Variants in ELOVL5 observed in about 807,000 individuals in gnomAD.
ELOVL5 encodes ELOVL fatty acid elongase 5.
ELOVL5 carries 8 observed loss-of-function variants against 38.6 expected under a neutral mutation model. That is an observed-to-expected ratio of 0.21 (90% confidence interval 0.12 to 0.37). ELOVL5 has a LOEUF of 0.37. ELOVL5 is among the 10% of genes least tolerant of loss of function. The pLI is 1.00. For synonymous variants in ELOVL5, 127 were observed against 133.7 expected (o/e 0.95, Z 0.34); for missense variants, 280 against 367.8 (o/e 0.76, Z 1.95).
chr6:53,329,833 T>C (rs1192696600), intron 1 of ELOVL5, among the ~76,000 whole-genome samples: 3 of 151,894 alleles, frequency 2.0e-5, no homozygotes, highest in Admixed American at 6.6e-5. Context: ...CAGAAAAAAA[T>C]AAGAAATAAA....
chr6:53,292,269 T>C (rs1393453057), intron 2 of ELOVL5, among the ~76,000 whole-genome samples: 2 of 152,200 alleles, frequency 1.3e-5, no homozygotes, highest in African/African-American at 4.8e-5. Flanking sequence ...TTAATTGGAT[T>C]TATTAACCAG....
At chr6:53,302,916 T>G (rs1327369737) in intron 1 of ELOVL5, among the ~76,000 whole-genome samples, 1 of 152,176 alleles carries the variant, frequency 6.6e-6, no homozygotes, top group African/African-American at 2.4e-5. Flanking sequence ...ACGGTTATTG[T>G]TCACCTAAAA....
At chr6:53,300,594 T>A (rs569412361) in intron 1 of ELOVL5, among the ~76,000 whole-genome samples, 34 of 152,200 alleles carry the variant, frequency 2.2e-4, no homozygotes, top group Admixed American at 6.5e-4. Context: ...AAGCCACACA[T>A]CTACCAAGGG....
At chr6:53,323,576 C>CTTTTTTTTT (rs3063792) in intron 1 of ELOVL5, among the ~76,000 whole-genome samples, 6 of 81,546 alleles carry the variant, frequency 7.4e-5, no homozygotes, top group African/African-American at 9.5e-5. Context: ...TACTAGCCAG[C>CTTTTTTTTT]TTTTTTTTTT....
At chr6:53,313,482 T>C (rs1220099241) in intron 1 of ELOVL5, among the ~76,000 whole-genome samples, 3 of 151,830 alleles carry the variant, frequency 2.0e-5, no homozygotes, top group Non-Finnish European at 4.4e-5. Context: ...CACCTCAGCC[T>C]CCTGAGTAGC....
intron 1 of ELOVL5, among the ~76,000 whole-genome samples, chr6:53,298,928 G>A (rs182052986): frequency 2.6e-5 from 4 of 151,064 alleles, no homozygotes; most frequent in African/African-American, 4.9e-5. Context: ...AATATATCAG[G>A]AGAGGAACTT....
intron 1 of ELOVL5, among the ~76,000 whole-genome samples, chr6:53,305,267 T>A (rs1418155725): frequency 9.0e-6 from 1 of 111,078 alleles, no homozygotes; most frequent in African/African-American, 3.6e-5. Flanking sequence ...CACTTCCCAG[T>A]AGGGGCGGCC....
At chr6:53,333,290 C>G (rs1768886230) in intron 1 of ELOVL5, among the ~76,000 whole-genome samples, 1 of 152,216 alleles carries the variant, frequency 6.6e-6, no homozygotes, top group Non-Finnish European at 1.5e-5. Context: ...CAGACACTTG[C>G]AGATTTCTCC....
intron 1 of ELOVL5, among the ~76,000 whole-genome samples, chr6:53,324,158 CAGG>C (rs1043357516): frequency 2.7e-4 from 40 of 148,308 alleles, no homozygotes; most frequent in African/African-American, 9.2e-4. Flanking sequence ...GAGGCTGAAG[CAGG>C]AGAAGTGCTT....
chr6:53,303,990 G>C (rs1039733695), intron 1 of ELOVL5, among the ~76,000 whole-genome samples: 2 of 152,124 alleles, frequency 1.3e-5, no homozygotes, highest in African/African-American at 4.8e-5. Flanking sequence ...TCTTGTTGCT[G>C]TCTAGACAAC....
At chr6:53,307,411 A>C (rs1767624452) in intron 1 of ELOVL5, among the ~76,000 whole-genome samples, 1 of 152,234 alleles carries the variant, frequency 6.6e-6, no homozygotes, top group Non-Finnish European at 1.5e-5. Context: ...TAACTTCCTC[A>C]TGTGATTAAA....
Position 53,276,145 on chromosome 6 carries a change from TATAATA to T in ELOVL5, c.324+28_324+33del, listed in dbSNP as rs138885106. 752 of 1,459,274 alleles carry T rather than the reference TATAATA, an allele frequency of 5.2e-4. 4 individuals are homozygous for T. In the African/African-American group the frequency reaches 8.4e-3, roughly 16 times the overall value. The allele number at this position is 1,459,274 out of a possible 1,614,324, so 90.4% of individuals were successfully genotyped here. A position where few individuals can be genotyped will look rare whatever the true frequency, so the allele number is the denominator to read the frequency against. ...AATTTATTTTTAAAAACTCAACACT[TATAATA>T]ATAAAGTTTCTGAAAAAGAGACAGT... is the stretch of plus-strand genomic sequence containing the variant. On this transcript the variant is annotated intron_variant, in intron 4 of 7. Transcript: ENST00000304434.
intron 1 of ELOVL5, among the ~76,000 whole-genome samples, chr6:53,300,172 C>T (rs1767192766): frequency 6.6e-6 from 1 of 152,126 alleles, no homozygotes; most frequent in Non-Finnish European, 1.5e-5. Context: ...TGGATATATA[C>T]TGTAATCTTC....
Position 53,292,019 on chromosome 6 carries a change from T to C in ELOVL5, c.59-56A>G, listed in dbSNP as rs879662547. ...AAAAACATTCACAACTTTTCAAACGTTGAAAAAATTTCTCTAACCATGATG... is the reference window on the plus strand; with the variant it reads ...AAAAACATTCACAACTTTTCAAACGCTGAAAAAATTTCTCTAACCATGATG... On this transcript the variant is annotated intron_variant, in intron 2 of 7. Coordinates refer to ENST00000304434, the MANE Select transcript of ELOVL5 (RefSeq NM_021814.5). 19 of 1,189,956 alleles carry C rather than the reference T, an allele frequency of 1.6e-5. No homozygotes were observed. The South Asian group carries it at 1.9e-4, about 12-fold the overall frequency. The allele number at this position is 1,189,956 out of a possible 1,614,324, so 73.7% of individuals were successfully genotyped here.
At chr6:53,291,544 G>T (rs1350531647) in intron 3 of ELOVL5, among the ~76,000 whole-genome samples, 2 of 152,090 alleles carry the variant, frequency 1.3e-5, no homozygotes, top group African/African-American at 2.4e-5. Flanking sequence ...CATAATAGAA[G>T]AATCAATAAC....
intron 1 of ELOVL5, among the ~76,000 whole-genome samples, chr6:53,319,270 C>CAAAAAAAAAAAAAAAAAA (rs59435925): frequency 1.7e-4 from 13 of 74,890 alleles, no homozygotes; most frequent in Non-Finnish European, 3.1e-4. Flanking sequence ...GACTCCATCT[C>CAAAAAAAAAAAAAAAAAA]AAAAAAAAAA....
chr6:53,278,599 A>C (rs1165673700), intron 3 of ELOVL5, among the ~76,000 whole-genome samples: 2 of 152,288 alleles, frequency 1.3e-5, no homozygotes, highest in East Asian at 1.9e-4. Flanking sequence ...TAGTTAAAGA[A>C]CTCAAACCTC....
chr6:53,292,483 G>T (rs1309253626), intron 2 of ELOVL5, among the ~76,000 whole-genome samples: 1 of 152,200 alleles, frequency 6.6e-6, no homozygotes, highest in African/African-American at 2.4e-5. Context: ...ACAGCAGAGA[G>T]GACAATGATT....
chr6:53,321,284 C>T (rs1021968815), intron 1 of ELOVL5, among the ~76,000 whole-genome samples: 7 of 152,234 alleles, frequency 4.6e-5, no homozygotes, highest in Admixed American at 2.6e-4. Flanking sequence ...GTCCTGCAGA[C>T]ATCATGCGCA....
Sources: allele counts gnomAD v4.1 joint callset (sites outside exome capture counted in the v4.1 genomes callset), GRCh38; gene constraint gnomAD v4.1.1; transcripts MANE v1.5; gene names NCBI Gene and HGNC (gene_info 2026-07-23, HGNC 2026-07-21).